KAZN: variants seen among roughly 807,000 people sequenced by gnomAD.
The protein encoded by KAZN is kazrin.
Under a neutral mutation model 87.4 loss-of-function variants are expected in KAZN, and 40 were observed. The observed-to-expected ratio is 0.46, with a 90% CI of 0.36 to 0.60. The LOEUF (loss-of-function observed/expected upper bound fraction) is 0.60. Among genes scored for constraint, KAZN ranks in the 20% least tolerant of loss-of-function variants. The probability of loss-of-function intolerance (pLI) is 0.00; values close to 1 mark genes in which losing one functional copy is unlikely to be tolerated. For synonymous variants in KAZN, 466 were observed against 458.3 expected, an observed-to-expected ratio of 1.02 and a Z score of -0.22; for missense variants, 898 against 1,073.9, an observed-to-expected ratio of 0.84 and a Z score of 2.29.
chr1:14,355,600 G>A (rs1429685068), intron 2 of KAZN, among the ~76,000 whole-genome samples: 1 of 151,878 alleles, frequency 6.6e-6, no homozygotes, highest in African/African-American at 2.4e-5. Context: ...CCCCCAACAG[G>A]CCCTGGTGTG....
At chr1:14,019,235 A>G (rs1367728427) in intron 1 of KAZN, among the ~76,000 whole-genome samples, 1 of 152,136 alleles carries the variant, frequency 6.6e-6, no homozygotes, top group Non-Finnish European at 1.5e-5. Context: ...TTTTTTATTA[A>G]CTGCCATGTT....
intron 1 of KAZN, among the ~76,000 whole-genome samples, chr1:14,885,995 C>T (rs576434474): frequency 6.6e-6 from 1 of 152,132 alleles, no homozygotes; most frequent in African/African-American, 2.4e-5. Context: ...TTACCTCTAT[C>T]CATTAGATGC....
intron 1 of KAZN, among the ~76,000 whole-genome samples, chr1:14,114,850 G>T (rs1444049526): frequency 6.6e-6 from 1 of 152,198 alleles, no homozygotes; most frequent in Non-Finnish European, 1.5e-5. Context: ...GGCAGGTGCT[G>T]TTACCGTTCC....
chr1:15,016,662 T>G (rs968483422), intron 2 of KAZN, among the ~76,000 whole-genome samples: 3 of 152,170 alleles, frequency 2.0e-5, no homozygotes, highest in Non-Finnish European at 4.4e-5. Context: ...CGCAAGTGGC[T>G]TCCCACTTCC....
intron 2 of KAZN, among the ~76,000 whole-genome samples, chr1:14,214,917 T>A (rs535563884): frequency 4.3e-4 from 65 of 152,298 alleles, no homozygotes; most frequent in South Asian, 1.0e-3. Context: ...GAAGGAATGA[T>A]AGAAAACACA....
intron 4 of KAZN, among the ~76,000 whole-genome samples, chr1:15,047,134 T>C (rs540272149): frequency 3.3e-5 from 5 of 152,204 alleles, no homozygotes; most frequent in Admixed American, 6.5e-5. Context: ...TTTATGTTCA[T>C]GTTAACAGCA....
intron 1 of KAZN, among the ~76,000 whole-genome samples, chr1:14,905,302 A>G (rs1442906060): frequency 6.6e-6 from 1 of 152,096 alleles, no homozygotes; most frequent in Non-Finnish European, 1.5e-5. Context: ...CAAGTGATCT[A>G]TCTGCCTGCT....
chr1:14,860,349 G>C (rs755241556), intron 1 of KAZN, among the ~76,000 whole-genome samples: 1 of 151,992 alleles, frequency 6.6e-6, no homozygotes, highest in African/African-American at 2.4e-5. Flanking sequence ...GCACCACCAT[G>C]CCCAGCTAAC....
At chr1:14,775,352 T>C (rs552569031) in intron 1 of KAZN, among the ~76,000 whole-genome samples, 1 of 152,364 alleles carries the variant, frequency 6.6e-6, no homozygotes, top group South Asian at 2.1e-4. Context: ...AGCATTCTGT[T>C]GTTCCAGCGT....
intron 2 of KAZN, among the ~76,000 whole-genome samples, chr1:14,333,025 C>T (rs1656964300): frequency 6.6e-6 from 1 of 152,136 alleles, no homozygotes; most frequent in Non-Finnish European, 1.5e-5. Context: ...TTTCCTTATG[C>T]TCTCCCTACC....
intron 1 of KAZN, among the ~76,000 whole-genome samples, chr1:14,131,233 G>T (rs374032075): frequency 6.6e-6 from 1 of 152,296 alleles, no homozygotes; most frequent in East Asian, 1.9e-4. Context: ...ACCTCCCACT[G>T]TGTCCCTCCC....
chr1:14,114,547 G>A (rs1010219239), intron 1 of KAZN, among the ~76,000 whole-genome samples: 8 of 151,704 alleles, frequency 5.3e-5, no homozygotes, highest in African/African-American at 1.5e-4. Context: ...TATCCAGGCC[G>A]ACTGCCCCAC....
chr1:14,300,131 T>C (rs1654438744), intron 2 of KAZN, among the ~76,000 whole-genome samples: 1 of 152,062 alleles, frequency 6.6e-6, no homozygotes. Flanking sequence ...GTAGCACATA[T>C]GTTTGGAGTG....
At chr1:13,938,082 T>G (rs545944019) in intron 1 of KAZN, among the ~76,000 whole-genome samples, 1 of 152,224 alleles carries the variant, frequency 6.6e-6, no homozygotes, top group East Asian at 1.9e-4. Flanking sequence ...TGTTGATAAT[T>G]TAATAGAAAT....
chr1:14,795,045 G>A (rs559139814), intron 1 of KAZN, among the ~76,000 whole-genome samples: 333 of 152,228 alleles, frequency 2.2e-3, no homozygotes, highest in Non-Finnish European at 3.9e-3. Context: ...AGAGGCTCTC[G>A]GGCCTTTGGC....
intron 2 of KAZN, among the ~76,000 whole-genome samples, chr1:14,275,646 G>A (rs1302310649): frequency 2.6e-5 from 4 of 151,980 alleles, no homozygotes; most frequent in Admixed American, 2.0e-4. Context: ...ATTTTACAGC[G>A]ATTTACTATC....
intron 1 of KAZN, among the ~76,000 whole-genome samples, chr1:13,973,950 C>T (rs968729471): frequency 1.3e-5 from 2 of 152,324 alleles, no homozygotes; most frequent in African/African-American, 4.8e-5. Context: ...CTATGCATAT[C>T]GTCATACTCA....
intron 2 of KAZN, among the ~76,000 whole-genome samples, chr1:14,445,596 G>A (rs897253378): frequency 2.0e-5 from 3 of 152,094 alleles, no homozygotes; most frequent in South Asian, 4.1e-4. Flanking sequence ...GAAGCCCCCC[G>A]ACTGTGGTAT....
At position 14,563,099 on chromosome 1, in the gene KAZN, G is replaced by T. The variant is rs528451938; in HGVS notation, c.250-35884G>T. Among the ~76,000 whole-genome samples the T allele has an allele frequency of 6.2e-4, 94 of 152,330 alleles. 1 individual carries two copies. Among genetic ancestry groups the T allele is most frequent in the Middle Eastern group, 6.8e-3 (2 of 294 alleles). The stretch of plus-strand genomic sequence containing the variant: ...ACAGCTGCCAGAAGAGTCAGAGGAG[G>T]CTGCTCCCTGCACAGATGTGAAATC... On this transcript the variant is annotated intron_variant, in intron 2 of 16. Transcript: ENST00000636203.
Sources: gnomAD v4.1 joint callset for allele counts (sites outside exome capture counted in the v4.1 genomes callset) on GRCh38, gnomAD v4.1.1 for gene constraint, MANE v1.5 for transcripts, NCBI Gene and HGNC (gene_info 2026-07-23, HGNC 2026-07-21) for gene names.